The following ZNF407 variants were observed in gnomAD, a reference collection of about 807,000 sequenced individuals.
ZNF407 encodes the protein zinc finger protein 407.
ZNF407 carries 17 observed loss-of-function variants against 131.2 expected under a neutral mutation model. That is an observed-to-expected ratio of 0.13 (90% CI 0.09 to 0.19). The LOEUF (loss-of-function observed/expected upper bound fraction) is 0.19, where lower values mean the gene tolerates loss of function less well. Among genes scored for constraint, ZNF407 ranks in the 10% least tolerant of loss-of-function variants. The pLI, the probability that ZNF407 is intolerant of heterozygous loss-of-function variation, is 1.00. For missense variants in ZNF407, 2,681 were observed against 2,830.6 expected (o/e 0.95, Z 1.20); for synonymous variants, 1,156 against 1,062.0 (o/e 1.09, Z -1.72).
chr18:74,943,528 G>A (rs1972123395), intron 8 of ZNF407, among the ~76,000 whole-genome samples: 4 of 152,302 alleles, frequency 2.6e-5, no homozygotes, highest in South Asian at 2.1e-4. Flanking sequence ...TGCAAATAGC[G>A]ATAGACTTTG....
At chr18:74,862,819 A>C (rs561896164) in intron 4 of ZNF407, among the ~76,000 whole-genome samples, 1 of 152,234 alleles carries the variant, frequency 6.6e-6, no homozygotes, top group South Asian at 2.1e-4. Flanking sequence ...ATTCAGGTAA[A>C]AGTTAGAATT....
intron 8 of ZNF407, among the ~76,000 whole-genome samples, chr18:74,939,663 T>C (rs1972075650): frequency 6.6e-6 from 1 of 152,208 alleles, no homozygotes; most frequent in African/African-American, 2.4e-5. Context: ...TGATGAAGCC[T>C]ATGGAGGAAA....
At chr18:75,053,499 C>G (rs1973525887) in intron 8 of ZNF407, among the ~76,000 whole-genome samples, 1 of 152,156 alleles carries the variant, frequency 6.6e-6, no homozygotes, top group South Asian at 2.1e-4. Flanking sequence ...TCTATTCATT[C>G]TGCTCATTCC....
At chr18:74,929,492 T>C (rs1253298763) in intron 8 of ZNF407, among the ~76,000 whole-genome samples, 3 of 152,352 alleles carry the variant, frequency 2.0e-5, no homozygotes, top group Non-Finnish European at 1.5e-5. Flanking sequence ...AAAGTTATAG[T>C]GGGGACGGTA....
intron 8 of ZNF407, among the ~76,000 whole-genome samples, chr18:74,951,954 T>TA (rs1401593903): frequency 6.6e-6 from 1 of 151,706 alleles, no homozygotes; most frequent in Non-Finnish European, 1.5e-5. Context: ...GATGAAAACA[T>TA]ACTAAGTTAG....
intron 8 of ZNF407, among the ~76,000 whole-genome samples, chr18:75,022,014 A>T (rs1568303479): frequency 6.6e-6 from 1 of 152,084 alleles, no homozygotes; most frequent in Admixed American, 6.5e-5. Context: ...AACTCAATAA[A>T]AACAGGTAGA....
chr18:75,019,322 T>G (rs1973079897), intron 8 of ZNF407, among the ~76,000 whole-genome samples: 1 of 152,084 alleles, frequency 6.6e-6, no homozygotes, highest in African/African-American at 2.4e-5. Context: ...GACGAGAAAG[T>G]GACTTTCTTT....
chr18:74,820,284 G>T (rs757549276), intron 4 of ZNF407, among the ~76,000 whole-genome samples: 1 of 152,192 alleles, frequency 6.6e-6, no homozygotes, highest in Non-Finnish European at 1.5e-5. Flanking sequence ...ACAGGCAACT[G>T]CCCAGGGATC....
At chr18:74,644,338 G>A (rs1984868393) in intron 3 of ZNF407, among the ~76,000 whole-genome samples, 1 of 151,652 alleles carries the variant, frequency 6.6e-6, no homozygotes, top group Non-Finnish European at 1.5e-5. Flanking sequence ...AGGGCTTAGT[G>A]AGAGAGAAAG....
chr18:74,809,769 G>C (rs1451958116), intron 4 of ZNF407, among the ~76,000 whole-genome samples: 1 of 152,192 alleles, frequency 6.6e-6, no homozygotes. Flanking sequence ...TGTACCATTA[G>C]AGTGTATGGA....
At chr18:74,958,316 G>A (rs1972299796) in intron 8 of ZNF407, among the ~76,000 whole-genome samples, 1 of 152,196 alleles carries the variant, frequency 6.6e-6, no homozygotes. Context: ...TTAGAAGGTT[G>A]TTTAAGATAA....
chr18:74,781,592 T>TC (rs1969604090), intron 4 of ZNF407, 90 bp downstream of exon 4: 1 of 916,774 alleles, frequency 1.1e-6, no homozygotes, highest in East Asian at 2.9e-5. Context: ...GACTTTTTTT[T>TC]CACATCAGTT....
chr18:75,007,377 T>C (rs557447128), intron 8 of ZNF407, among the ~76,000 whole-genome samples: 1 of 152,348 alleles, frequency 6.6e-6, no homozygotes, highest in East Asian at 1.9e-4. Flanking sequence ...CAAGTGTAAA[T>C]GTTGCTAACA....
At chr18:74,913,714 G>A (rs1020663303) in intron 7 of ZNF407, among the ~76,000 whole-genome samples, 17 of 152,110 alleles carry the variant, frequency 1.1e-4, no homozygotes, top group Non-Finnish European at 1.8e-4. Context: ...TAACAACTTC[G>A]GTGGTATAAT....
chr18:75,006,767 G>A (rs1016542837), intron 8 of ZNF407, among the ~76,000 whole-genome samples: 1 of 151,970 alleles, frequency 6.6e-6, no homozygotes, highest in African/African-American at 2.4e-5. Flanking sequence ...TAATTTGTCT[G>A]CCATTTACCA....
intron 7 of ZNF407, among the ~76,000 whole-genome samples, chr18:74,916,551 G>A (rs1229287250): frequency 1.7e-5 from 2 of 115,958 alleles, no homozygotes; most frequent in Admixed American, 1.7e-4. Context: ...TTCGAATCGG[G>A]AGTGTGTGTG....
intron 1 of ZNF407, among the ~76,000 whole-genome samples, chr18:74,616,933 T>C (rs1301510524): frequency 9.4e-5 from 7 of 74,240 alleles, no homozygotes; most frequent in African/African-American, 1.1e-4. Context: ...ACCATACACA[T>C]CCATATCCAC....
rs915379113 is a variant in ZNF407 at position 74,876,820 on chromosome 18, C to T, written c.4878-377C>T. 4.5e-4 allele frequency among the ~76,000 whole-genome samples: 68 copies of T among 152,344 alleles called. 1 individual carries two copies. Among genetic ancestry groups the T allele is most frequent in the African/African-American group, 1.6e-3 (65 of 41,580 alleles). On this transcript the variant is annotated intron_variant, in intron 4 of 8. Transcript: ENST00000299687. Reference sequence around the variant, plus strand: ...GCCGTACAAGCCGCACACCAGCAGACAGCAGGGCTTGTCTGAGTGGTTGAG... The same window carrying T: ...GCCGTACAAGCCGCACACCAGCAGATAGCAGGGCTTGTCTGAGTGGTTGAG...
chr18:74,652,456 C>G (rs77262618), intron 3 of ZNF407, among the ~76,000 whole-genome samples: 1 of 151,824 alleles, frequency 6.6e-6, no homozygotes, highest in African/African-American at 2.4e-5. Flanking sequence ...GTGGAACTTA[C>G]GGTATTTTAA....
Sources: allele counts gnomAD v4.1 joint callset (sites outside exome capture counted in the v4.1 genomes callset), GRCh38; gene constraint gnomAD v4.1.1; transcripts MANE v1.5; gene names NCBI Gene and HGNC (gene_info 2026-07-23, HGNC 2026-07-21).